Variants in ARHGAP21 observed in about 807,000 individuals in gnomAD.
The protein encoded by ARHGAP21 is Rho GTPase activating protein 21.
Under a neutral mutation model 164.6 loss-of-function variants are expected in ARHGAP21, and 38 were observed. The ratio of observed to expected loss-of-function variants is 0.23; its 90% CI spans 0.18 to 0.30. The LOEUF (loss-of-function observed/expected upper bound fraction) is 0.30, where lower values mean the gene tolerates loss of function less well. ARHGAP21 is among the 10% of genes least tolerant of loss of function. The pLI is 1.00. For synonymous variants in ARHGAP21, 766 were observed against 857.9 expected (o/e 0.89, Z 1.87); for missense variants, 1,822 against 2,370.7 (o/e 0.77, Z 4.81).
At chr10:24,600,968 T>C (rs773242269) in intron 13 of ARHGAP21, 38 bp from the exon 14 acceptor site, 1 of 1,589,600 alleles carries the variant, frequency 6.3e-7, no homozygotes, top group South Asian at 1.1e-5. Flanking sequence ...AGTCAATATT[T>C]GGCTAAATCT....
chr10:24,600,878 C>T lies in ARHGAP21; in HGVS notation c.2900G>A (p.Gly967Asp). ...PWKQMYVVLR[G>D]HSLYLYKDKR... ...ATCTTTGTACAGGTAAAGTGAATGACCCCGAAGGACAACATACATCTGTTT... is the reference window on the plus strand; with the variant it reads ...ATCTTTGTACAGGTAAAGTGAATGATCCCGAAGGACAACATACATCTGTTT... The change falls in exon 14 of 26, where the codon GGT becomes GAT. Residue 967 changes from glycine to aspartate, a missense_variant. This residue lies in a region of ARHGAP21 where 1,090 missense variants were observed against 1,378.9 expected (regional missense o/e 0.79). Transcript: ENST00000396432. 1 of 1,614,152 alleles carries T rather than the reference C, an allele frequency of 6.2e-7. No homozygotes were observed. The highest frequency in any genetic ancestry group is 1.1e-5 in the South Asian group (1 of 91,080).
At chr10:24,593,973 GT>G (rs1164613633) in intron 21 of ARHGAP21, among the ~76,000 whole-genome samples, 1 of 151,908 alleles carries the variant, frequency 6.6e-6, no homozygotes, top group African/African-American at 2.4e-5. Context: ...GGTAATAGAG[GT>G]TGACACTCTT....
At chr10:24,681,688 A>G (rs1397302152) in intron 2 of ARHGAP21, among the ~76,000 whole-genome samples, 1 of 152,030 alleles carries the variant, frequency 6.6e-6, no homozygotes, top group Non-Finnish European at 1.5e-5. Flanking sequence ...CCACTTACTT[A>G]AAGTAAAATT....
At chr10:24,617,806 C>T (rs1221431419) in intron 9 of ARHGAP21, among the ~76,000 whole-genome samples, 2 of 152,150 alleles carry the variant, frequency 1.3e-5, no homozygotes, top group Admixed American at 6.5e-5. Flanking sequence ...AAAAACTCAA[C>T]TAGTACTCAA....
intron 21 of ARHGAP21, 144 bp from the exon 22 acceptor site, chr10:24,592,156 A>ATTTTTTTTTTTTTTTTTTTTTTTTTTT: frequency 4.9e-6 from 1 of 205,774 alleles, no homozygotes; most frequent in African/African-American, 4.1e-5. Flanking sequence ...TTCTAGCAAG[A>ATTTTTTTTTTTTTTTTTTTTTTTTTTT]TTTTTTTTTT....
chr10:24,702,531 C>G (rs1269497233), intron 2 of ARHGAP21, among the ~76,000 whole-genome samples: 1 of 151,990 alleles, frequency 6.6e-6, no homozygotes, highest in Non-Finnish European at 1.5e-5. Flanking sequence ...ACAATCACCT[C>G]TCTAAGATCT....
intron 2 of ARHGAP21, among the ~76,000 whole-genome samples, chr10:24,699,566 C>T (rs1221793980): frequency 1.3e-5 from 2 of 152,104 alleles, no homozygotes; most frequent in African/African-American, 4.8e-5. Context: ...CTCAGGTGAT[C>T]GGCTCACCTC....
chr10:24,711,563 G>A (rs1418721135), intron 2 of ARHGAP21, among the ~76,000 whole-genome samples: 2 of 152,112 alleles, frequency 1.3e-5, no homozygotes, highest in East Asian at 1.9e-4. Context: ...GAATCAACAT[G>A]GAAATCTCCC....
chr10:24,664,384 G>A (rs1450549653), intron 4 of ARHGAP21, among the ~76,000 whole-genome samples: 1 of 151,720 alleles, frequency 6.6e-6, no homozygotes, highest in African/African-American at 2.4e-5. Flanking sequence ...GTGAAACCCC[G>A]TTTCTACTAA....
intron 2 of ARHGAP21, among the ~76,000 whole-genome samples, chr10:24,704,628 G>C (rs1844048467): frequency 6.6e-6 from 1 of 151,840 alleles, no homozygotes; most frequent in Non-Finnish European, 1.5e-5. Flanking sequence ...ACCACGCCTG[G>C]CTAATTTTTT....
chr10:24,716,904 T>C (rs1339259459), intron 2 of ARHGAP21, among the ~76,000 whole-genome samples: 1 of 152,096 alleles, frequency 6.6e-6, no homozygotes, highest in Non-Finnish European at 1.5e-5. Flanking sequence ...GCCAGGGGAA[T>C]GGAGGTAGAG....
intron 21 of ARHGAP21, 64 bp downstream of exon 21, chr10:24,594,886 A>G (rs376565568): frequency 1.5e-6 from 2 of 1,318,962 alleles, no homozygotes. Flanking sequence ...GCATGAAGTA[A>G]TGAAGCATAT....
intron 7 of ARHGAP21, 140 bp downstream of exon 7, chr10:24,629,856 C>A (rs1182097449): frequency 1.4e-6 from 1 of 722,754 alleles, no homozygotes; most frequent in South Asian, 1.5e-5. Flanking sequence ...GTAGAGAATT[C>A]CAGATTCTGT....
intron 2 of ARHGAP21, among the ~76,000 whole-genome samples, chr10:24,694,546 T>G (rs952335091): frequency 6.6e-6 from 1 of 152,220 alleles, no homozygotes; most frequent in African/African-American, 2.4e-5. Flanking sequence ...GCTTCCCTGG[T>G]AGGCAGTATT....
At position 24,625,299 on chromosome 10, in the gene ARHGAP21, G is replaced by GCAAAAAAAAAAAAAAAA. The variant is rs768183583; in HGVS notation, c.496-2538_496-2537insTTTTTTTTTTTTTTTTG. Among the ~76,000 whole-genome samples, 26 of 53,780 alleles carry GCAAAAAAAAAAAAAAAA rather than the reference G, an allele frequency of 4.8e-4. 1 individual carries two copies. The highest frequency in any genetic ancestry group is 1.3e-3 in the East Asian group (2 of 1,586). The allele number at this position is 53,780 out of a possible 152,430, so 35.3% of individuals were successfully genotyped here. On this transcript the variant is annotated intron_variant, in intron 7 of 25. Coordinates refer to ENST00000396432, the MANE Select transcript of ARHGAP21 (RefSeq NM_020824.4). ...TAAATGGTAAACAAAATGAAACAGA[G>GCAAAAAAAAAAAAAAAA]AAAAAAAAAAAAAAAAAAAAAAAAC...
chr10:24,631,296 G>A (rs571887861), intron 6 of ARHGAP21, among the ~76,000 whole-genome samples: 14 of 152,204 alleles, frequency 9.2e-5, no homozygotes, highest in African/African-American at 2.9e-4. Context: ...CCTGGGAGGC[G>A]GACATTGCAG....
intron 2 of ARHGAP21, among the ~76,000 whole-genome samples, chr10:24,711,124 A>T (rs1593371022): frequency 9.3e-6 from 1 of 107,050 alleles, no homozygotes; most frequent in South Asian, 3.7e-4. Flanking sequence ...AAGGGAAGGA[A>T]GGAAGGAAGG....
At chr10:24,692,835 T>TA (rs1329563581) in intron 2 of ARHGAP21, among the ~76,000 whole-genome samples, 15 of 133,414 alleles carry the variant, frequency 1.1e-4, no homozygotes, top group Non-Finnish European at 5.1e-5. Context: ...TCTCAAAAAA[T>TA]AAAAAAAATA....
At chr10:24,591,085 G>A (rs1164011945) in intron 24 of ARHGAP21, 140 bp downstream of exon 24, 18 of 989,422 alleles carry the variant, frequency 1.8e-5, no homozygotes, top group East Asian at 2.7e-5. Context: ...GGAAAAGGAA[G>A]ATTAAGGTTT....
Sources: gnomAD v4.1 joint callset for allele counts (sites outside exome capture counted in the v4.1 genomes callset) on GRCh38, gnomAD v4.1.1 for gene constraint, gnomAD v4.1.1 regional missense constraint, MANE v1.5 for transcripts, NCBI Gene and HGNC (gene_info 2026-07-23, HGNC 2026-07-21) for gene names.